Variants in TENM1 observed in about 807,000 individuals in gnomAD.
TENM1 encodes the protein teneurin transmembrane protein 1, also known as teneurin-1.
A neutral mutation model predicts 174.8 loss-of-function variants in TENM1; 35 were observed. The observed-to-expected ratio is 0.20, with a 90% CI of 0.15 to 0.27. TENM1 has a LOEUF of 0.27. Among genes scored for constraint, TENM1 ranks in the 10% least tolerant of loss-of-function variants. TENM1 has a pLI of 1.00. For missense variants in TENM1, 1,633 were observed against 2,130.1 expected (o/e 0.77, Z 4.59); for synonymous variants, 781 against 798.7 (o/e 0.98, Z 0.37).
rs111843258 is a variant in TENM1 at position 124,429,439 on chromosome X, A to C, written c.4105-6801T>G. Among the ~76,000 whole-genome samples, 1,060 of 110,930 alleles carry C rather than the reference A, an allele frequency of 9.6e-3. 10 individuals are homozygous for C. Among genetic ancestry groups the C allele is most frequent in the African/African-American group, 0.033 (1,006 of 30,545 alleles). On this transcript the variant is annotated intron_variant, in intron 23 of 31. Transcript: ENST00000422452. ...ATTTAACATAATGTGGTTAAGTGTC[A>C]TGAGTGCCATGATAGATGTATGCCC... is the stretch of plus-strand genomic sequence containing the variant.
the TENM1 span, among the ~76,000 whole-genome samples, chrX:125,165,287 G>C: frequency 1.2e-4 from 13 of 111,435 alleles, no homozygotes; most frequent in Non-Finnish European, 2.3e-4. Flanking sequence ...TTGGATTTTT[G>C]CCATATTCTC....
At chrX:124,746,798 T>C (rs1372928921) in intron 3 of TENM1, among the ~76,000 whole-genome samples, 3 of 110,950 alleles carry the variant, frequency 2.7e-5, no homozygotes, top group Admixed American at 1.9e-4. Context: ...TCTATTGATA[T>C]AGATGTGTCT....
chrX:124,692,822 C>T (rs1188032601), intron 5 of TENM1, among the ~76,000 whole-genome samples: 3 of 107,443 alleles, frequency 2.8e-5, no homozygotes, highest in Admixed American at 2.0e-4. Context: ...GCCTTACCAA[C>T]ATGGAGAAGC....
chrX:124,659,579 G>A (rs2148410355), intron 6 of TENM1, among the ~76,000 whole-genome samples: 1 of 110,818 alleles, frequency 9.0e-6, no homozygotes, highest in Non-Finnish European at 1.9e-5. Context: ...ATTCAATGCA[G>A]TCCCTGTCAA....
At chrX:125,194,557 T>C in the TENM1 span, among the ~76,000 whole-genome samples, 9 of 111,932 alleles carry the variant, frequency 8.0e-5, no homozygotes, top group Non-Finnish European at 1.3e-4. Context: ...TACTACAACA[T>C]AGCACACTGC....
At chrX:125,052,209 A>C in the TENM1 span, among the ~76,000 whole-genome samples, 3 of 111,620 alleles carry the variant, frequency 2.7e-5, no homozygotes, top group East Asian at 8.6e-4. Context: ...GCATGGTCCC[A>C]TGGGGGCGTT....
the TENM1 span, among the ~76,000 whole-genome samples, chrX:125,005,140 G>A: frequency 9.3e-6 from 1 of 107,226 alleles, no homozygotes; most frequent in Non-Finnish European, 1.9e-5. Flanking sequence ...ATTATCAAAA[G>A]TGTGCTCCAC....
At chrX:124,757,183 A>C (rs1190268755) in intron 3 of TENM1, among the ~76,000 whole-genome samples, 5 of 112,715 alleles carry the variant, frequency 4.4e-5, no homozygotes, top group South Asian at 3.7e-4. Flanking sequence ...TTACCTAAGC[A>C]AGCCTGGGCA....
At chrX:124,502,444 A>C (rs1401988605) in intron 19 of TENM1, among the ~76,000 whole-genome samples, 1 of 112,448 alleles carries the variant, frequency 8.9e-6, no homozygotes, top group Non-Finnish European at 1.9e-5. Context: ...AATGTCAATG[A>C]CAGGCATTTG....
rs754930625 is a variant in TENM1, at chrX:124,962,825, G to GACAAA, written c.217+707_217+711dup. Among the ~76,000 whole-genome samples, 647 of 110,340 alleles carry GACAAA rather than the reference G, an allele frequency of 5.9e-3. 2 individuals are homozygous for GACAAA. The highest frequency in any genetic ancestry group is 7.1e-3 in the Non-Finnish European group (372 of 52,739). Reference sequence around the variant, plus strand: ...AGAGTGAGATTCTGTCTCAAAACAAGACAAAACAAAACAAAACAAAACAAA... The same window carrying GACAAA: ...AGAGTGAGATTCTGTCTCAAAACAAGACAAAACAAAACAAAACAAAACAAAACAAA... On this transcript the variant is annotated intron_variant, in intron 1 of 31. Coordinates refer to ENST00000422452, the Ensembl canonical transcript of TENM1.
At chrX:124,862,023 T>C (rs1441138671) in intron 3 of TENM1, among the ~76,000 whole-genome samples, 2 of 111,949 alleles carry the variant, frequency 1.8e-5, no homozygotes, top group African/African-American at 3.3e-5. Context: ...GCCAGTATAG[T>C]CATCATAAAC....
intron 23 of TENM1, among the ~76,000 whole-genome samples, chrX:124,432,459 C>T (rs968594048): frequency 5.4e-5 from 6 of 111,494 alleles, no homozygotes; most frequent in Non-Finnish European, 1.1e-4. Context: ...CCCAGGCTGG[C>T]GTGCAGTGGC....
intron 1 of TENM1, among the ~76,000 whole-genome samples, chrX:124,911,791 C>T (rs974537467): frequency 1.8e-5 from 2 of 111,614 alleles, no homozygotes; most frequent in African/African-American, 6.5e-5. Context: ...ATATCTCATG[C>T]TGCTTACTAT....
chrX:124,899,631 A>G (rs1002052891), intron 1 of TENM1, among the ~76,000 whole-genome samples: 2 of 111,972 alleles, frequency 1.8e-5, no homozygotes, highest in African/African-American at 6.5e-5. Flanking sequence ...TCCTCTGAGT[A>G]TATAACCAGT....
At position 124,544,355 on chromosome X, in the gene TENM1, C is replaced by T. The variant is rs890000422; in HGVS notation, c.2651+2519G>A. 2.7e-5 allele frequency among the ~76,000 whole-genome samples: 3 copies of T among 112,216 alleles called. No individual in the cohort carries two copies. In the East Asian group the frequency reaches 8.4e-4, roughly 31 times the overall value. ...TCTGACTGACACTCATTAATTGTGACCCTGAACAAGTCATTTACTGGGCAT... is the reference window on the plus strand; with the variant it reads ...TCTGACTGACACTCATTAATTGTGATCCTGAACAAGTCATTTACTGGGCAT... On this transcript the variant is annotated intron_variant, in intron 15 of 31. Transcript: ENST00000422452.
chrX:125,129,549 T>C, the TENM1 span, among the ~76,000 whole-genome samples: 2 of 111,128 alleles, frequency 1.8e-5, no homozygotes, highest in African/African-American at 6.5e-5. Context: ...CTAGGTCTTA[T>C]TCATTCTTTC....
chrX:124,576,578 G>A (rs1263607517), intron 11 of TENM1, among the ~76,000 whole-genome samples: 2 of 112,104 alleles, frequency 1.8e-5, no homozygotes, highest in Non-Finnish European at 3.8e-5. Context: ...GTAAAACAGT[G>A]CTCTCACTTA....
intron 18 of TENM1, among the ~76,000 whole-genome samples, chrX:124,514,265 T>C (rs2047647043): frequency 9.1e-6 from 1 of 109,575 alleles, no homozygotes; most frequent in Non-Finnish European, 1.9e-5. Context: ...ATGAGAGGAC[T>C]GAGAAAATTT....
the TENM1 span, among the ~76,000 whole-genome samples, chrX:125,166,442 A>T: frequency 9.0e-6 from 1 of 111,356 alleles, no homozygotes; most frequent in Non-Finnish European, 1.9e-5. Flanking sequence ...ACTGCTAGTT[A>T]ATAATAAAGC....
Sources: allele counts gnomAD v4.1 joint callset (sites outside exome capture counted in the v4.1 genomes callset), GRCh38; gene constraint gnomAD v4.1.1; transcripts MANE v1.5; gene names NCBI Gene and HGNC (gene_info 2026-07-23, HGNC 2026-07-21).